Variants in SYT17 observed in about 807,000 individuals in gnomAD.
The protein encoded by SYT17 is synaptotagmin 17.
A neutral mutation model predicts 46.7 loss-of-function variants in SYT17; 22 were observed. That is an observed-to-expected ratio of 0.47 (90% CI 0.34 to 0.67). The LOEUF (loss-of-function observed/expected upper bound fraction) is 0.67. Ranked by LOEUF, SYT17 falls within the 30% of genes least tolerant of loss-of-function variation. The pLI, the probability that SYT17 is intolerant of heterozygous loss-of-function variation, is 0.01. For synonymous variants in SYT17, 251 were observed against 248.4 expected (o/e 1.01, Z -0.10); for missense variants, 519 against 612.8 (o/e 0.85, Z 1.62).
At chr16:19,266,712 G>A (rs929865120) in intron 7 of SYT17, among the ~76,000 whole-genome samples, 168 bp from the exon 8 acceptor site, 1 of 152,130 alleles carries the variant, frequency 6.6e-6, no homozygotes, top group African/African-American at 2.4e-5. Context: ...GAGGGAGTTG[G>A]ACTTCTCACC....
chr16:19,174,909 G>A (rs1049387458), intron 3 of SYT17, among the ~76,000 whole-genome samples: 1 of 152,128 alleles, frequency 6.6e-6, no homozygotes, highest in African/African-American at 2.4e-5. Context: ...CTTGAGCTCA[G>A]GATTTCGAGA....
intron 5 of SYT17, 82 bp downstream of exon 5, chr16:19,184,229 G>T: frequency 6.7e-7 from 1 of 1,485,780 alleles, no homozygotes; most frequent in Non-Finnish European, 9.0e-7. Flanking sequence ...TGTTTAAAAG[G>T]CTTTTTTGGA....
intron 7 of SYT17, among the ~76,000 whole-genome samples, chr16:19,260,305 C>G (rs1355626402): frequency 1.8e-5 from 2 of 112,864 alleles, no homozygotes; most frequent in Non-Finnish European, 3.3e-5. Flanking sequence ...GCCTGAGCAA[C>G]ATGGTGAAAC....
chr16:19,226,431 A>G (rs924302266), intron 7 of SYT17, among the ~76,000 whole-genome samples: 16 of 152,162 alleles, frequency 1.1e-4, no homozygotes, highest in African/African-American at 3.9e-4. Context: ...GATTTCCCCT[A>G]TATAAACTTA....
intron 7 of SYT17, among the ~76,000 whole-genome samples, chr16:19,257,396 C>CA (rs5816041): frequency 0.52 from 67,104 of 127,896 alleles, 15,593 homozygotes; most frequent in East Asian, 0.64. Context: ...CCTTGTTTTG[C>CA]AAAAAAAAAA....
intron 7 of SYT17, among the ~76,000 whole-genome samples, chr16:19,254,456 G>A (rs1437548673): frequency 1.3e-5 from 2 of 152,152 alleles, no homozygotes; most frequent in East Asian, 3.9e-4. Flanking sequence ...AGAATCTCTT[G>A]GGGGTAAAGC....
chr16:19,244,931 G>A lies in SYT17; in HGVS notation c.1228+20093G>A, dbSNP rs542357033. On this transcript the variant is annotated intron_variant, in intron 7 of 7. Coordinates refer to ENST00000355377, the MANE Select transcript of SYT17 (RefSeq NM_016524.4). ...GCTGGGAAATGTAGTCCAGCTACAC[G>A]TTGAGGGAGAGAGTGAACAGGCTTT... Among the ~76,000 whole-genome samples, 87 of 152,314 alleles carry A rather than the reference G, an allele frequency of 5.7e-4. 1 individual carries two copies. The highest frequency in any genetic ancestry group is 6.8e-3 in the Middle Eastern group (2 of 294).
At position 19,173,418 on chromosome 16, in the gene SYT17, C is replaced by T; in HGVS notation, c.34-12C>T. On this transcript the variant is annotated splice_polypyrimidine_tract_variant and intron_variant, in intron 2 of 7. Coordinates refer to ENST00000355377, the MANE Select transcript of SYT17 (RefSeq NM_016524.4). ...CCCCCATCCCCCCGCCCACCTCCCC[C>T]AATGGCCTCAGGGTTTTCTTTCTAG... 6.4e-7 allele frequency: 1 copy of T among 1,561,456 alleles called. No homozygotes were observed. Among genetic ancestry groups the T allele is most frequent in the South Asian group, 1.2e-5 (1 of 86,412 alleles).
chr16:19,206,048 A>G (rs1355584568), intron 5 of SYT17, among the ~76,000 whole-genome samples: 4 of 152,248 alleles, frequency 2.6e-5, no homozygotes, highest in Non-Finnish European at 1.5e-5. Context: ...AGGCAGGACT[A>G]GAACTCATAA....
intron 2 of SYT17, 104 bp downstream of exon 2, chr16:19,172,881 A>G (rs1403633734): frequency 2.2e-6 from 3 of 1,389,736 alleles, no homozygotes; most frequent in African/African-American, 1.4e-5. Context: ...AATATTCAAC[A>G]ATAACCTGGT....
At position 19,224,687 on chromosome 16, in the gene SYT17, C is replaced by G; in HGVS notation, c.1077C>G (p.Pro359=). The G allele has an allele frequency of 1.2e-6, 2 of 1,613,974 alleles. No individual in the cohort carries two copies. The highest frequency in any genetic ancestry group is 1.7e-6 in the Non-Finnish European group (2 of 1,179,900). The change falls in exon 7 of 8, where the codon CCC becomes CCG. Residue 359 remains proline, a synonymous_variant. Coordinates refer to ENST00000355377, the MANE Select transcript of SYT17 (RefSeq NM_016524.4). ...GATGCTGTGTCTAATTTTCAGACCC[C>G]TTTGTGAAAATCCAGCTGGTGCATG... is the stretch of plus-strand genomic sequence containing the variant. ...LQTDVSQGSD[P]FVKIQLVHGL...
chr16:19,266,364 C>T (rs552381219), intron 7 of SYT17, among the ~76,000 whole-genome samples: 3 of 152,296 alleles, frequency 2.0e-5, no homozygotes, highest in African/African-American at 7.2e-5. Context: ...CGTAGGTACC[C>T]GGGATGCTGC....
intron 3 of SYT17, among the ~76,000 whole-genome samples, chr16:19,174,948 C>G (rs8062238): frequency 2.6e-5 from 4 of 151,552 alleles, no homozygotes; most frequent in East Asian, 2.0e-4. Flanking sequence ...TGAGACCCCC[C>G]CCATGCCCCA....
At chr16:19,256,117 C>T (rs115888329) in intron 7 of SYT17, among the ~76,000 whole-genome samples, 2 of 152,046 alleles carry the variant, frequency 1.3e-5, no homozygotes, top group African/African-American at 2.4e-5. Context: ...ATTTGTTGTG[C>T]GGATTAAATT....
intron 1 of SYT17, chr16:19,170,112 A>G (rs1417140367): frequency 1.3e-5 from 2 of 152,228 alleles, no homozygotes; most frequent in Admixed American, 6.5e-5. Flanking sequence ...GTTGTCCTGT[A>G]AAGTGCCAGA....
intron 7 of SYT17, among the ~76,000 whole-genome samples, chr16:19,254,477 C>G (rs942796807): frequency 6.6e-6 from 1 of 152,078 alleles, no homozygotes; most frequent in Admixed American, 6.5e-5. Context: ...TGGGCACTGA[C>G]GGGGGAAGAT....
chr16:19,257,322 A>C (rs1431128646), intron 7 of SYT17, among the ~76,000 whole-genome samples: 1 of 151,810 alleles, frequency 6.6e-6, no homozygotes, highest in Non-Finnish European at 1.5e-5. Context: ...AGAACTCAAA[A>C]TCTACATATA....
At chr16:19,213,245 A>T (rs550378900) in intron 5 of SYT17, among the ~76,000 whole-genome samples, 1 of 152,292 alleles carries the variant, frequency 6.6e-6, no homozygotes, top group African/African-American at 2.4e-5. Context: ...AGGGGTTTTT[A>T]TCCCTAACGT....
chr16:19,184,175 C>A, intron 5 of SYT17, 28 bp downstream of exon 5: 1 of 1,557,084 alleles, frequency 6.4e-7, no homozygotes, highest in Non-Finnish European at 8.7e-7. Context: ...GGTGTTTCCT[C>A]CTGGGAGCTT....
Sources: allele counts gnomAD v4.1 joint callset (sites outside exome capture counted in the v4.1 genomes callset), GRCh38; gene constraint gnomAD v4.1.1; transcripts MANE v1.5; gene names NCBI Gene and HGNC (gene_info 2026-07-23, HGNC 2026-07-21).